Variants in CDC42BPA observed in about 807,000 individuals in gnomAD.
CDC42BPA encodes serine/threonine-protein kinase MRCK alpha.
A neutral mutation model predicts 223.5 loss-of-function variants in CDC42BPA; 80 were observed. That is an observed-to-expected ratio of 0.36 (90% confidence interval 0.30 to 0.43). CDC42BPA has a LOEUF of 0.43. CDC42BPA is among the 20% of genes least tolerant of loss of function. CDC42BPA has a pLI of 1.00. For missense variants in CDC42BPA, 1,743 were observed against 2,099.9 expected (o/e 0.83, Z 3.32); for synonymous variants, 694 against 718.6 (o/e 0.97, Z 0.55).
chr1:227,205,046 G>A (rs1672418884), intron 3 of CDC42BPA, among the ~76,000 whole-genome samples: 1 of 151,912 alleles, frequency 6.6e-6, no homozygotes, highest in Non-Finnish European at 1.5e-5. Context: ...ATCACCTGAG[G>A]TTAGGAGTTC....
chr1:226,999,691 A>G (rs996754031), intron 35 of CDC42BPA, among the ~76,000 whole-genome samples: 1 of 152,176 alleles, frequency 6.6e-6, no homozygotes, highest in Non-Finnish European at 1.5e-5. Context: ...AAAGATTTGG[A>G]ACCAACCCAA....
At chr1:227,225,915 T>C (rs1020628998) in intron 2 of CDC42BPA, among the ~76,000 whole-genome samples, 1 of 152,250 alleles carries the variant, frequency 6.6e-6, no homozygotes, top group African/African-American at 2.4e-5. Flanking sequence ...GCTGCTCTAC[T>C]TCCCTTTTCT....
At chr1:227,225,397 T>C (rs1676685661) in intron 2 of CDC42BPA, among the ~76,000 whole-genome samples, 1 of 152,184 alleles carries the variant, frequency 6.6e-6, no homozygotes, top group African/African-American at 2.4e-5. Context: ...ATTTTCCTGT[T>C]TTTAGCCCTT....
At chr1:227,008,254 T>C (rs1664480513) in intron 34 of CDC42BPA, among the ~76,000 whole-genome samples, 1 of 152,222 alleles carries the variant, frequency 6.6e-6, no homozygotes, top group Admixed American at 6.5e-5. Context: ...TATGATCCTT[T>C]CTGTAAAACA....
At chr1:227,292,903 C>A (rs1177038360) in intron 1 of CDC42BPA, among the ~76,000 whole-genome samples, 1 of 152,088 alleles carries the variant, frequency 6.6e-6, no homozygotes, top group Admixed American at 6.6e-5. Context: ...CAAACAAAAC[C>A]AAAACCCTAG....
intron 1 of CDC42BPA, among the ~76,000 whole-genome samples, chr1:227,282,901 C>T (rs944402594): frequency 6.6e-6 from 1 of 152,094 alleles, no homozygotes; most frequent in African/African-American, 2.4e-5. Context: ...ACAAAATGTT[C>T]TGAGATGGAT....
intron 1 of CDC42BPA, among the ~76,000 whole-genome samples, chr1:227,303,007 G>T (rs1345624912): frequency 1.7e-4 from 23 of 135,002 alleles, no homozygotes; most frequent in South Asian, 2.4e-4. Flanking sequence ...GTTTTTTTGG[G>T]TTTTTTTTTT....
chr1:227,174,201 C>T (rs957324496), intron 5 of CDC42BPA, among the ~76,000 whole-genome samples: 1 of 152,102 alleles, frequency 6.6e-6, no homozygotes, highest in African/African-American at 2.4e-5. Context: ...ATCCATATAA[C>T]ATTACCTATT....
intron 2 of CDC42BPA, among the ~76,000 whole-genome samples, chr1:227,252,678 G>A (rs1279830016): frequency 1.3e-5 from 2 of 151,830 alleles, no homozygotes; most frequent in Non-Finnish European, 2.9e-5. Context: ...CATATAAAGG[G>A]GGTAACATAT....
At chr1:227,174,422 G>C (rs1666617438) in intron 5 of CDC42BPA, among the ~76,000 whole-genome samples, 1 of 152,088 alleles carries the variant, frequency 6.6e-6, no homozygotes, top group Non-Finnish European at 1.5e-5. Context: ...TAAGCTGAAA[G>C]AGAAGAAATC....
Position 226,994,069 on chromosome 1 carries a change from G to A in CDC42BPA, c.*199C>T. On this transcript the variant is annotated 3_prime_UTR_variant, in exon 37 of 37. Coordinates refer to ENST00000366766, the MANE Select transcript of CDC42BPA (RefSeq NM_001394014.1). This position sits in a 1 kb window ranked among gnomAD's most constrained non-coding sequence, Gnocchi z 4.0. ...ACGTTAATCTAAGCTGCTACGGAAA[G>A]TCTGTCTTTGTTGTTGCTGTTAGGC... The A allele has an allele frequency of 1.9e-6, 1 of 535,794 alleles. No individual in the cohort carries two copies. Among genetic ancestry groups the A allele is most frequent in the Non-Finnish European group, 3.3e-6 (1 of 300,596 alleles). The allele number at this position is 535,794 out of a possible 1,614,324, so 33.2% of individuals were successfully genotyped here.
At chr1:227,131,343 C>T (rs887800680) in intron 10 of CDC42BPA, among the ~76,000 whole-genome samples, 4 of 152,200 alleles carry the variant, frequency 2.6e-5, no homozygotes, top group African/African-American at 9.7e-5. Context: ...TTCCATTCTA[C>T]ATTGCAAGTG....
At chr1:227,266,028 G>GT (rs1166237590) in intron 1 of CDC42BPA, among the ~76,000 whole-genome samples, 3 of 152,170 alleles carry the variant, frequency 2.0e-5, no homozygotes, top group Admixed American at 1.3e-4. Context: ...AATGAATATC[G>GT]TATGTGGCAG....
At chr1:227,284,734 G>A (rs958720974) in intron 1 of CDC42BPA, among the ~76,000 whole-genome samples, 23 of 152,058 alleles carry the variant, frequency 1.5e-4, no homozygotes, top group African/African-American at 5.3e-4. Flanking sequence ...GCCAAGGTGG[G>A]TGGATCACTT....
intron 2 of CDC42BPA, among the ~76,000 whole-genome samples, chr1:227,222,826 T>C (rs1676178512): frequency 6.6e-6 from 1 of 152,246 alleles, no homozygotes; most frequent in Admixed American, 6.5e-5. Flanking sequence ...TAAATTTGTA[T>C]GCCTTTTCTC....
chr1:227,206,170 T>G (rs766745439), intron 3 of CDC42BPA, among the ~76,000 whole-genome samples: 3 of 152,198 alleles, frequency 2.0e-5, no homozygotes, highest in Non-Finnish European at 4.4e-5. Flanking sequence ...ATGAGCGAAG[T>G]CAGTACTCAC....
chr1:227,218,885 C>G (rs963278951), intron 2 of CDC42BPA, among the ~76,000 whole-genome samples: 3 of 152,266 alleles, frequency 2.0e-5, no homozygotes, highest in South Asian at 2.1e-4. Flanking sequence ...AAAAACACTA[C>G]AAAGAGTTTA....
intron 2 of CDC42BPA, among the ~76,000 whole-genome samples, chr1:227,219,943 T>G (rs1211884878): frequency 6.6e-6 from 1 of 152,074 alleles, no homozygotes; most frequent in South Asian, 2.1e-4. Flanking sequence ...TTTTAATCAG[T>G]ACACACATAC....
intron 7 of CDC42BPA, among the ~76,000 whole-genome samples, chr1:227,146,417 T>C (rs1047031240): frequency 6.6e-6 from 1 of 152,142 alleles, no homozygotes; most frequent in Non-Finnish European, 1.5e-5. Flanking sequence ...TATAACTATA[T>C]GAAACATTAT....
Sources: allele counts gnomAD v4.1 joint callset (sites outside exome capture counted in the v4.1 genomes callset), GRCh38; gene constraint gnomAD v4.1.1; non-coding constraint Gnocchi (gnomAD v3.1); transcripts MANE v1.5; gene names NCBI Gene and HGNC (gene_info 2026-07-23, HGNC 2026-07-21).